NUP188: variants seen among roughly 807,000 people sequenced by gnomAD.
NUP188 encodes the protein nucleoporin 188, also known as nucleoporin NUP188.
In NUP188, 97 loss-of-function variants were observed where a neutral mutation model predicts 223.0. The ratio of observed to expected loss-of-function variants is 0.43; its 90% confidence interval spans 0.37 to 0.51. NUP188 has a LOEUF of 0.51. Among genes scored for constraint, NUP188 ranks in the 20% least tolerant of loss-of-function variants. The pLI, the probability that NUP188 is intolerant of heterozygous loss-of-function variation, is 0.00. For synonymous variants in NUP188, 869 were observed against 828.0 expected (o/e 1.05, Z -0.85); for missense variants, 1,947 against 2,175.6 (o/e 0.89, Z 2.09).
At chr9:128,970,542 A>G (rs900094090) in intron 10 of NUP188, among the ~76,000 whole-genome samples, 2 of 152,244 alleles carry the variant, frequency 1.3e-5, no homozygotes, top group Admixed American at 6.5e-5. Flanking sequence ...TTAAGACTAC[A>G]TAAAATTAGT....
chr9:128,952,628 C>G (rs554975536), intron 2 of NUP188, 145 bp from the exon 3 acceptor site: 98 of 543,010 alleles, frequency 1.8e-4, no homozygotes, highest in Non-Finnish European at 1.7e-4. Context: ...GAGGCTGAGG[C>G]TCGAGAATCA....
chr9:128,995,604 G>T (rs1842511008), intron 30 of NUP188, 90 bp downstream of exon 30: 3 of 1,129,630 alleles, frequency 2.7e-6, no homozygotes, highest in Admixed American at 2.3e-5. Flanking sequence ...TTGTGCGGAA[G>T]AATTAATCAG....
chr9:128,974,294 A>C lies in NUP188; in HGVS notation c.1203+1045A>C, dbSNP rs140150518. ...CAGGACTTCTCACCTCGGCTTCCCA[A>C]ATATATACCGTTTTGTAACCTCATT... On this transcript the variant is annotated intron_variant, in intron 12 of 43. Transcript: ENST00000372577. Among the ~76,000 whole-genome samples, 500 of 151,854 alleles carry C rather than the reference A, an allele frequency of 3.3e-3. 4 individuals are homozygous for C. The highest frequency in any genetic ancestry group is 0.011 in the African/African-American group (461 of 41,388).
chr9:128,972,607 GATAATA>G (rs1300052078), intron 11 of NUP188, among the ~76,000 whole-genome samples: 1 of 152,332 alleles, frequency 6.6e-6, no homozygotes, highest in Non-Finnish European at 1.5e-5. Flanking sequence ...GACTTTGGGT[GATAATA>G]ATAATGCCAA....
Position 128,993,269 on chromosome 9 carries a change from T to C in NUP188, c.2713T>C (p.Leu905=), listed in dbSNP as rs1842461607. The C allele has an allele frequency of 6.2e-7, 1 of 1,614,196 alleles. No homozygotes were observed. Among genetic ancestry groups the C allele is most frequent in the East Asian group, 2.2e-5 (1 of 44,892 alleles). ...CATTCGTGATGCCTTCCTGACCCGA[T>C]TGCAGAGCAAAATTGAGGACATGCG... ...AAIRDAFLTR[L]QSKIEDMRIK... is the part of the protein sequence containing the mutation. Residue 905 remains leucine, a synonymous_variant, in exon 26 of 44, where the codon TTG becomes CTG. Coordinates refer to ENST00000372577, the MANE Select transcript of NUP188 (RefSeq NM_015354.3).
rs146782081 is a variant in NUP188, at chr9:128,981,378, C to T, written c.1504C>T (p.Leu502Phe). The change falls in exon 15 of 44, where the codon CTT becomes TTT. Residue 502 changes from leucine (L) to phenylalanine (F), a missense_variant. By Grantham distance (22) the Leu-to-Phe change is conservative. Around this residue, in one of 3 missense-constraint regions of NUP188, gnomAD observed 817 missense variants for 865.8 expected, o/e 0.94. Transcript: ENST00000372577. ...TTGGCGGAGACAAACACCCAAACTC[C>T]TTTATCCCCTTGGTGAGATAAAGAG... ...TLWRRQTPKL[L>F]YPLGGQTNLR... The T allele has an allele frequency of 1.4e-4, 228 of 1,612,866 alleles. 1 individual carries two copies. The highest frequency in any genetic ancestry group is 1.3e-3 in the Middle Eastern group (8 of 6,048).
At chr9:128,997,117 G>T (rs1164870015) in intron 30 of NUP188, among the ~76,000 whole-genome samples, 2 of 152,260 alleles carry the variant, frequency 1.3e-5, no homozygotes, top group Non-Finnish European at 2.9e-5. Context: ...TCTCTGAGTG[G>T]TGATGTCCCA....
chr9:128,977,587 G>A (rs1457402111), intron 12 of NUP188, among the ~76,000 whole-genome samples: 2 of 151,992 alleles, frequency 1.3e-5, no homozygotes, highest in African/African-American at 4.8e-5. Flanking sequence ...AGGCAGGCGG[G>A]CCACCTGAGG....
At chr9:128,986,733 T>C in intron 21 of NUP188, 55 bp downstream of exon 21, 1 of 1,613,676 alleles carries the variant, frequency 6.2e-7, no homozygotes, top group Non-Finnish European at 8.5e-7. Context: ...ACTGGAGAGC[T>C]TTTTTCTTTC....
intron 6 of NUP188, 79 bp downstream of exon 6, chr9:128,958,133 T>C: frequency 8.6e-7 from 1 of 1,165,030 alleles, no homozygotes; most frequent in Non-Finnish European, 1.3e-6. Flanking sequence ...TGAGCATTGC[T>C]GGCTTTTGAC....
In NUP188 at chr9:128,988,072, G is replaced by A. The variant is rs775045325; in HGVS notation, c.2419G>A (p.Gly807Ser). The A allele has an allele frequency of 1.2e-6, 2 of 1,614,060 alleles. No individual in the cohort carries two copies. The highest frequency in any genetic ancestry group is 2.7e-5 in the African/African-American group (2 of 74,914). ...RSDGAEGQGQ[G>S]QLLIKTVKLA... Reference sequence around the variant, plus strand: ...TGATGGGGCAGAGGGCCAGGGGCAGGGCCAGCTGCTGATCAAGACAGTGAA... The same window carrying A: ...TGATGGGGCAGAGGGCCAGGGGCAGAGCCAGCTGCTGATCAAGACAGTGAA... The change falls in exon 24 of 44, where the codon GGC (glycine) becomes AGC (serine). Residue 807 changes from glycine to serine, a missense_variant. Coordinates refer to ENST00000372577, the MANE Select transcript of NUP188 (RefSeq NM_015354.3).
intron 8 of NUP188, among the ~76,000 whole-genome samples, chr9:128,966,323 C>G (rs1001372354): frequency 1.3e-5 from 2 of 151,376 alleles, no homozygotes; most frequent in African/African-American, 4.9e-5. Context: ...CTCACTGTCA[C>G]GCAGAGTGAG....
chr9:128,961,581 T>TAG (rs1564551901), intron 8 of NUP188, among the ~76,000 whole-genome samples: 4 of 130,548 alleles, frequency 3.1e-5, no homozygotes, highest in African/African-American at 1.6e-4. Flanking sequence ...TCTATATCTA[T>TAG]CTATCTATCT....
intron 1 of NUP188, chr9:128,948,983 C>G (rs1458229687): frequency 7.1e-6 from 3 of 423,680 alleles, no homozygotes; most frequent in African/African-American, 6.2e-5. Flanking sequence ...CCTCGACCTC[C>G]CAAAGTGCTG....
chr9:128,951,393 C>T (rs1453489739), intron 2 of NUP188, among the ~76,000 whole-genome samples: 3 of 151,028 alleles, frequency 2.0e-5, no homozygotes, highest in African/African-American at 4.9e-5. Flanking sequence ...GTGGAAAGAT[C>T]GCTTAAGCTC....
At chr9:128,995,293 CTG>C (rs1216191852) in intron 29 of NUP188, 24 bp from the exon 30 acceptor site, 2 of 1,583,302 alleles carry the variant, frequency 1.3e-6, no homozygotes, top group Non-Finnish European at 1.7e-6. Context: ...CAAAATCTAA[CTG>C]GAGGTTTTTT....
At chr9:128,956,480 A>G in intron 4 of NUP188, 46 bp downstream of exon 4, 2 of 997,412 alleles carry the variant, frequency 2.0e-6, no homozygotes, top group Non-Finnish European at 3.0e-6. Context: ...TGCAGTGTGG[A>G]TGTGCGTGGT....
intron 23 of NUP188, 105 bp downstream of exon 23, chr9:128,987,822 T>C: frequency 6.9e-7 from 1 of 1,454,580 alleles, no homozygotes; most frequent in South Asian, 1.3e-5. Context: ...AAGACGACAT[T>C]GTTCTTCCTA....
intron 25 of NUP188, among the ~76,000 whole-genome samples, chr9:128,991,699 C>T (rs918740135): frequency 2.7e-5 from 4 of 148,782 alleles, no homozygotes; most frequent in East Asian, 4.2e-4. Context: ...AAAAATTAGC[C>T]GGGTGTGGCT....
Sources: gnomAD v4.1 joint callset for allele counts (sites outside exome capture counted in the v4.1 genomes callset) on GRCh38, gnomAD v4.1.1 for gene constraint, gnomAD v4.1.1 regional missense constraint, MANE v1.5 for transcripts, NCBI Gene and HGNC (gene_info 2026-07-23, HGNC 2026-07-21) for gene names.